ODAD1: variants seen among roughly 807,000 people sequenced by gnomAD.
ODAD1 encodes outer dynein arm-docking complex subunit 1.
In ODAD1, 49 loss-of-function variants were observed where a neutral mutation model predicts 67.2. The ratio of observed to expected loss-of-function variants is 0.73; its 90% CI spans 0.58 to 0.92. The LOEUF (loss-of-function observed/expected upper bound fraction) is 0.92. Among genes scored for constraint, ODAD1 ranks in the 40% least tolerant of loss-of-function variants. The pLI is 0.00. For synonymous variants in ODAD1, 345 were observed against 393.7 expected, an observed-to-expected ratio of 0.88 and a Z score of 1.46; for missense variants, 897 against 953.7, an observed-to-expected ratio of 0.94 and a Z score of 0.78.
At chr19:48,305,594 T>C (rs10416232) in intron 8 of ODAD1, among the ~76,000 whole-genome samples, 56,766 of 151,450 alleles carry the variant, frequency 0.37, 11,157 homozygotes, top group African/African-American at 0.47. Context: ...TTGGTAGAGA[T>C]GGGATTTCAC....
At position 48,312,097 on chromosome 19, in the gene ODAD1, C is replaced by T. The variant is rs745632941; in HGVS notation, c.380G>A (p.Arg127Gln). The change falls in exon 6 of 16, where the codon CGG becomes CAG. Residue 127 changes from arginine (R) to glutamine (Q), a missense_variant. By Grantham distance (43) the Arg-to-Gln change is conservative. Transcript: ENST00000674294. ...GACATTCTTACTGTGGGTAAAGATC[C>T]GCGTCTCCCACTCCTGGATCTACAA... is the stretch of plus-strand genomic sequence containing the variant. ...LDKQIQEWET[R>Q]IFTHSKNVRS... 2.6e-6 allele frequency: 4 copies of T among 1,551,122 alleles called. No homozygotes were observed. Among genetic ancestry groups the T allele is most frequent in the East Asian group, 2.4e-5 (1 of 40,904 alleles).
chr19:48,318,631 A>T (rs1209937019), intron 4 of ODAD1, 55 bp from the exon 5 acceptor site: 2 of 1,541,822 alleles, frequency 1.3e-6, no homozygotes, highest in East Asian at 4.9e-5. Context: ...ACTCAGCATC[A>T]CTAAAGGCAG....
rs561780439 is a variant in ODAD1, at chr19:48,302,841, C to T, written c.1093G>A (p.Ala365Thr). Residue 365 changes from alanine (A) to threonine (T), a missense_variant, in exon 12 of 16, where the codon GCA becomes ACA. Transcript: ENST00000674294. Reference sequence around the variant, plus strand: ...TGCTGGTCATCCTTGCTGGCACGTGCGCTCACCAAAGCCTCCTGCATCTGT... The same window carrying T: ...TGCTGGTCATCCTTGCTGGCACGTGTGCTCACCAAAGCCTCCTGCATCTGT... ...IKEMQEALVS[A>T]RASKDDQHLL... 39 of 1,613,982 alleles carry T rather than the reference C, an allele frequency of 2.4e-5. No individual in the cohort carries two copies. Among genetic ancestry groups the T allele is most frequent in the African/African-American group, 4.0e-5 (3 of 75,062 alleles).
intron 5 of ODAD1, 150 bp downstream of exon 5, chr19:48,318,237 C>T: frequency 1.5e-6 from 1 of 683,164 alleles, no homozygotes. Flanking sequence ...AGTGATCTGC[C>T]CGCCTCAGCC....
intron 5 of ODAD1, among the ~76,000 whole-genome samples, chr19:48,314,878 G>A (rs895338438): frequency 3.3e-5 from 5 of 151,856 alleles, no homozygotes; most frequent in East Asian, 2.0e-4. Flanking sequence ...CCTGGGAGGT[G>A]GAGGCTGCAA....
At position 48,298,091 on chromosome 19, in the gene ODAD1, T is replaced by G. The variant is rs1600855882; in HGVS notation, c.1411A>C (p.Thr471Pro). The stretch of plus-strand genomic sequence containing the variant: ...AGGAGGGCAGCGTCGGCCAGGGAGG[T>G]GAAGCTCTGGAGAGTGTGGGAGCCT... Reference protein sequence around the residue: ...VQAFLHAQSFTSLADAALLVL... With the variant: ...VQAFLHAQSFPSLADAALLVL... The change falls in exon 14 of 16, where the codon ACC (threonine) becomes CCC (proline). Residue 471 changes from threonine (T) to proline (P), a missense_variant. By Grantham distance (38) the Thr-to-Pro change is conservative. Transcript: ENST00000674294. 1 of 1,611,972 alleles carries G rather than the reference T, an allele frequency of 6.2e-7. No individual in the cohort carries two copies.
At chr19:48,313,574 C>T (rs896115589) in intron 5 of ODAD1, among the ~76,000 whole-genome samples, 2 of 151,834 alleles carry the variant, frequency 1.3e-5, no homozygotes, top group African/African-American at 2.4e-5. Context: ...TCCACTACGA[C>T]GAGGTGTTCT....
At chr19:48,310,066 C>T (rs982523994) in intron 7 of ODAD1, among the ~76,000 whole-genome samples, 1 of 152,006 alleles carries the variant, frequency 6.6e-6, no homozygotes, top group Non-Finnish European at 1.5e-5. Flanking sequence ...GAAACCCTGT[C>T]TCTACTAAAA....
In ODAD1 at chr19:48,296,640, G is replaced by T; in HGVS notation, c.*336C>A. On this transcript the variant is annotated 3_prime_UTR_variant, in exon 16 of 16. Transcript: ENST00000674294. ...AGATGGAGATGAGGAGAGAGAGCCGGAAACAGGAGGTGGGGGATCCACAGG... is the reference window on the plus strand; with the variant it reads ...AGATGGAGATGAGGAGAGAGAGCCGTAAACAGGAGGTGGGGGATCCACAGG... 1 of 454,950 alleles carries T rather than the reference G, an allele frequency of 2.2e-6. No homozygotes were observed. The highest frequency in any genetic ancestry group is 3.2e-6 in the Non-Finnish European group (1 of 308,522). 28.2% of individuals were successfully genotyped at this position (454,950 alleles called of 1,614,324 possible). A position where few individuals can be genotyped will look rare whatever the true frequency, so the allele number is the denominator to read the frequency against.
At chr19:48,302,904 G>A (rs532136141) in intron 11 of ODAD1, 42 bp from the exon 12 acceptor site, 30 of 1,612,608 alleles carry the variant, frequency 1.9e-5, no homozygotes, top group African/African-American at 9.3e-5. Context: ...TGGCAGCCTC[G>A]GGAGTTGGGG....
At chr19:48,320,157 G>A (rs982895899) in intron 3 of ODAD1, 142 bp downstream of exon 3, 13 of 827,940 alleles carry the variant, frequency 1.6e-5, no homozygotes, top group Admixed American at 4.6e-5. Context: ...TGCCCGCCCC[G>A]CCTCCCTTAG....
Position 48,321,870 on chromosome 19 carries a change from C to A in ODAD1, c.-256G>T. 1 of 398,490 alleles carries A rather than the reference C, an allele frequency of 2.5e-6. No homozygotes were observed. Among genetic ancestry groups the A allele is most frequent in the South Asian group, 1.3e-4 (1 of 7,844 alleles). 24.7% of individuals were successfully genotyped at this position (398,490 alleles called of 1,614,324 possible). A position where few individuals can be genotyped will look rare whatever the true frequency, so the allele number is the denominator to read the frequency against. On this transcript the variant is annotated 5_prime_UTR_variant, in exon 1 of 16. Transcript: ENST00000674294. ...GGGAGTTGCGCGGAGAAGGAGCGCTCAACACAGCCTCAGCGGTTCACTACG... is the reference window on the plus strand; with the variant it reads ...GGGAGTTGCGCGGAGAAGGAGCGCTAAACACAGCCTCAGCGGTTCACTACG...
At position 48,303,640 on chromosome 19, in the gene ODAD1, C is replaced by G; in HGVS notation, c.988+10G>C. The G allele has an allele frequency of 6.2e-7, 1 of 1,613,976 alleles. No homozygotes were observed. On this transcript the variant is annotated intron_variant, in intron 10 of 15. Transcript: ENST00000674294. Reference sequence around the variant, plus strand: ...CCGGGCCTCCTCCCTCCACCCAGGGCCCCACTCACTCTCCAGATACTTCTG... The same window carrying G: ...CCGGGCCTCCTCCCTCCACCCAGGGGCCCACTCACTCTCCAGATACTTCTG...
chr19:48,317,739 C>T (rs918725579), intron 5 of ODAD1, among the ~76,000 whole-genome samples: 1 of 150,132 alleles, frequency 6.7e-6, no homozygotes, highest in Non-Finnish European at 1.5e-5. Context: ...AGTGCAGCGG[C>T]GCGATCTTGG....
Position 48,303,940 on chromosome 19 carries a change from G to T in ODAD1, c.853+13C>A, listed in dbSNP as rs2147317282. On this transcript the variant is annotated intron_variant, in intron 9 of 15. Coordinates refer to ENST00000674294, the MANE Select transcript of ODAD1 (RefSeq NM_001364171.2). The stretch of plus-strand genomic sequence containing the variant: ...AGGCCCTTGAGATGCAAAGGCAGCA[G>T]CCCCAGCCTCACCCTGCTTTTCACG... 1 of 1,611,858 alleles carries T rather than the reference G, an allele frequency of 6.2e-7. No individual in the cohort carries two copies. Among genetic ancestry groups the T allele is most frequent in the South Asian group, 1.1e-5 (1 of 90,936 alleles).
Position 48,298,099 on chromosome 19 carries a change from T to G in ODAD1, c.1405-2A>C. On this transcript the variant is annotated splice_acceptor_variant, in intron 13 of 15. Coordinates refer to ENST00000674294, the MANE Select transcript of ODAD1 (RefSeq NM_001364171.2). LOFTEE classifies it high-confidence loss of function. ...AGCGTCGGCCAGGGAGGTGAAGCTCTGGAGAGTGTGGGAGCCTGCGGTCAG... is the reference window on the plus strand; with the variant it reads ...AGCGTCGGCCAGGGAGGTGAAGCTCGGGAGAGTGTGGGAGCCTGCGGTCAG... The G allele has an allele frequency of 6.2e-7, 1 of 1,613,010 alleles. No individual in the cohort carries two copies. The highest frequency in any genetic ancestry group is 8.5e-7 in the Non-Finnish European group (1 of 1,179,650).
intron 7 of ODAD1, among the ~76,000 whole-genome samples, chr19:48,307,359 G>C (rs959901337): frequency 2.0e-5 from 3 of 152,192 alleles, no homozygotes; most frequent in African/African-American, 7.2e-5. Context: ...GTGAGGCCAA[G>C]GCAGGAGAAT....
intron 6 of ODAD1, 107 bp from the exon 7 acceptor site, chr19:48,311,773 T>C: frequency 1.2e-6 from 1 of 834,304 alleles, no homozygotes; most frequent in Non-Finnish European, 2.0e-6. Flanking sequence ...GCCGGCCTGT[T>C]TCCTGAGAAA....
intron 7 of ODAD1, among the ~76,000 whole-genome samples, chr19:48,309,141 C>G (rs1285621388): frequency 6.6e-6 from 1 of 152,074 alleles, no homozygotes; most frequent in African/African-American, 2.4e-5. Context: ...GCTGCTTGGC[C>G]TCTCTCCTCT....
Sources: gnomAD v4.1 joint callset for allele counts (sites outside exome capture counted in the v4.1 genomes callset) on GRCh38, gnomAD v4.1.1 for gene constraint, MANE v1.5 for transcripts, NCBI Gene and HGNC (gene_info 2026-07-23, HGNC 2026-07-21) for gene names.